HMOX1: variants seen among roughly 807,000 people sequenced by gnomAD.
HMOX1 encodes the protein heme oxygenase 1, also known as heat shock protein, 32-kD.
HMOX1 carries 22 observed loss-of-function variants against 27.8 expected under a neutral mutation model. The ratio of observed to expected loss-of-function variants is 0.79; its 90% CI spans 0.57 to 1.13. The LOEUF (loss-of-function observed/expected upper bound fraction) is 1.13. HMOX1 is among the 50% of genes most tolerant of loss of function. The probability of loss-of-function intolerance (pLI) is 0.00; values close to 1 mark genes in which losing one functional copy is unlikely to be tolerated. For synonymous variants in HMOX1, 153 were observed against 151.6 expected, an observed-to-expected ratio of 1.01 and a Z score of -0.07; for missense variants, 379 against 377.7, an observed-to-expected ratio of 1.00 and a Z score of -0.03.
chr22:35,386,749 A>G lies in HMOX1; in HGVS notation c.209A>G (p.Glu70Gly), dbSNP rs778752673. 2.2e-5 allele frequency: 35 copies of G among 1,614,098 alleles called. No individual in the cohort carries two copies. The South Asian group carries it at 3.7e-4, about 17-fold the overall frequency. The part of the protein sequence containing the change: ...ALEEEIERNK[E>G]SPVFAPVYFP... ...GAGGAGGAGATTGAGCGCAACAAGG[A>G]GAGCCCAGTCTTCGCCCCTGTCTAC... Residue 70 changes from glutamate (E) to glycine (G), a missense_variant, in exon 3 of 5, where the codon GAG (glutamate) becomes GGG (glycine). Glu to Gly is a moderately conservative substitution (Grantham distance 98). Coordinates refer to ENST00000216117, the MANE Select transcript of HMOX1 (RefSeq NM_002133.3).
chr22:35,393,368 TAC>T, intron 4 of HMOX1, 98 bp from the exon 5 acceptor site: 1 of 1,460,714 alleles, frequency 6.8e-7, no homozygotes, highest in South Asian at 1.1e-5. Flanking sequence ...GCAGTGACTG[TAC>T]CACAGACCCT....
At chr22:35,393,093 C>T (rs1390819271) in intron 4 of HMOX1, among the ~76,000 whole-genome samples, 2 of 152,174 alleles carry the variant, frequency 1.3e-5, no homozygotes, top group East Asian at 3.8e-4. Context: ...GCTCCTGCCC[C>T]ATCATCACCA....
chr22:35,385,873 C>T (rs903967164), intron 2 of HMOX1, among the ~76,000 whole-genome samples: 8 of 152,086 alleles, frequency 5.3e-5, no homozygotes, highest in Middle Eastern at 3.2e-3. Context: ...TCTCGTGATC[C>T]GCCTGCCTCA....
chr22:35,381,925 C>G (rs1300395737), intron 1 of HMOX1, among the ~76,000 whole-genome samples: 1 of 152,082 alleles, frequency 6.6e-6, no homozygotes, highest in Non-Finnish European at 1.5e-5. Context: ...AATGACAATT[C>G]TGTGGGGAGG....
intron 2 of HMOX1, among the ~76,000 whole-genome samples, chr22:35,385,138 C>T (rs896597135): frequency 1.3e-5 from 2 of 152,142 alleles, no homozygotes; most frequent in Non-Finnish European, 2.9e-5. Context: ...ACACTCAAGA[C>T]CTGTTGCCTC....
In HMOX1 at chr22:35,387,144, G is replaced by T; in HGVS notation, c.604G>T (p.Glu202Ter). 1 of 1,613,596 alleles carries T rather than the reference G, an allele frequency of 6.2e-7. No homozygotes were observed. Among genetic ancestry groups the T allele is most frequent in the Non-Finnish European group, 8.5e-7 (1 of 1,180,048 alleles). ...TPAVRQRVIEEAKTAFLLNIQ... is the reference protein window; with the variant it reads ...TPAVRQRVIE ...CGCAGTCAGGCAGAGGGTGATAGAA[G>T]AGGCCAAGACTGCGTTCCTGCTCAA... Residue 202 changes from glutamate to a stop codon, truncating the protein, a stop_gained, in exon 3 of 5, where the codon GAG becomes TAG. Transcript: ENST00000216117. LOFTEE classifies it high-confidence loss of function.
chr22:35,384,929 G>C (rs1369506998), intron 2 of HMOX1, among the ~76,000 whole-genome samples: 1 of 151,614 alleles, frequency 6.6e-6, no homozygotes, highest in African/African-American at 2.4e-5. Flanking sequence ...GTAAGAACCA[G>C]GTCCGTCACA....
At chr22:35,387,216 C>T (rs552673447) in intron 3 of HMOX1, 40 bp downstream of exon 3, 14 of 1,611,798 alleles carry the variant, frequency 8.7e-6, no homozygotes, top group East Asian at 2.2e-5. Context: ...TGCCTCCCCC[C>T]GTTGTTCCTC....
At chr22:35,389,395 C>CCTTTCTTTCTTTCTTTCTTTCTTTCTTT (rs372672366) in intron 3 of HMOX1, among the ~76,000 whole-genome samples, 8 of 51,806 alleles carry the variant, frequency 1.5e-4, no homozygotes, top group African/African-American at 3.6e-4. Context: ...TTCCTTCCTT[C>CCTTTCTTTCTTTCTTTCTTTCTTTCTTT]CTTTCTTTCT....
At chr22:35,391,606 T>G (rs1357581668) in intron 4 of HMOX1, among the ~76,000 whole-genome samples, 1 of 140,652 alleles carries the variant, frequency 7.1e-6, no homozygotes, top group Non-Finnish European at 1.5e-5. Flanking sequence ...TTTTTTTTTT[T>G]TTTTTGAGAC....
At chr22:35,383,570 TAA>T in intron 2 of HMOX1, among the ~76,000 whole-genome samples, 1 of 152,284 alleles carries the variant, frequency 6.6e-6, no homozygotes, top group East Asian at 1.9e-4. Flanking sequence ...GTTCAGTGAC[TAA>T]CAGAAGGTCA....
intron 3 of HMOX1, 128 bp from the exon 4 acceptor site, chr22:35,389,736 C>T (rs191409737): frequency 1.1e-3 from 832 of 741,434 alleles, no homozygotes; most frequent in Non-Finnish European, 1.7e-3. Flanking sequence ...CCACCGTGTC[C>T]GGCCAATATT....
At chr22:35,385,874 G>C (rs1384803362) in intron 2 of HMOX1, among the ~76,000 whole-genome samples, 2 of 151,784 alleles carry the variant, frequency 1.3e-5, no homozygotes, top group African/African-American at 4.8e-5. Context: ...CTCGTGATCC[G>C]CCTGCCTCAG....
At chr22:35,389,436 CTTTCTTTCTTTCTTTTCTT>C (rs1569057783) in intron 3 of HMOX1, among the ~76,000 whole-genome samples, 1 of 107,354 alleles carries the variant, frequency 9.3e-6, no homozygotes, top group African/African-American at 4.9e-5. Context: ...TTCTATCTTT[CTTTCTTTCTTTCTTTTCTT>C]TCTTTCTTGC....
intron 1 of HMOX1, 83 bp downstream of exon 1, chr22:35,381,279 C>T: frequency 6.8e-7 from 1 of 1,463,128 alleles, no homozygotes; most frequent in Non-Finnish European, 9.3e-7. Flanking sequence ...GGGACACTGC[C>T]ACACAGCGAC....
intron 2 of HMOX1, among the ~76,000 whole-genome samples, chr22:35,384,880 C>T (rs1297718747): frequency 6.0e-5 from 9 of 151,204 alleles, no homozygotes; most frequent in Non-Finnish European, 1.2e-4. Context: ...AAGCAAGTGG[C>T]TCACCCATGG....
chr22:35,381,863 C>A (rs17885522), intron 1 of HMOX1, among the ~76,000 whole-genome samples: 24,332 of 151,888 alleles, frequency 0.16, 4,177 homozygotes, highest in African/African-American at 0.43. Flanking sequence ...TCTCCTGAGA[C>A]TTTGACCAGC....
rs776945263 is a variant in HMOX1 at position 35,386,906 on chromosome 22, G to T, written c.366G>T (p.Gly122=). 1 of 1,613,958 alleles carries T rather than the reference G, an allele frequency of 6.2e-7. No homozygotes were observed. The highest frequency in any genetic ancestry group is 2.2e-5 in the East Asian group (1 of 44,902). Residue 122 remains glycine, a synonymous_variant, in exon 3 of 5, where the codon GGG becomes GGT. Coordinates refer to ENST00000216117, the MANE Select transcript of HMOX1 (RefSeq NM_002133.3). ...ATGTGAAGCGGCTCCACGAGGTGGG[G>T]CGCACAGAGCCCGAGCTGCTGGTGG... ...QRYVKRLHEV[G]RTEPELLVAH...
intron 2 of HMOX1, among the ~76,000 whole-genome samples, chr22:35,384,415 TG>T (rs1347931973): frequency 6.6e-6 from 1 of 152,088 alleles, no homozygotes; most frequent in Non-Finnish European, 1.5e-5. Context: ...ATTTAATCTG[TG>T]GTTCCAGGCT....
Sources: allele counts gnomAD v4.1 joint callset (sites outside exome capture counted in the v4.1 genomes callset), GRCh38; gene constraint gnomAD v4.1.1; transcripts MANE v1.5; gene names NCBI Gene and HGNC (gene_info 2026-07-23, HGNC 2026-07-21).